Variants in DISC1 observed in about 807,000 individuals in gnomAD.
DISC1 encodes the protein DISC1 scaffold protein, also known as disrupted in schizophrenia 1 protein.
Under a neutral mutation model 84.5 loss-of-function variants are expected in DISC1, and 57 were observed. The ratio of observed to expected loss-of-function variants is 0.67; its 90% CI spans 0.55 to 0.84. The LOEUF is 0.84. DISC1 is among the 40% of genes least tolerant of loss of function. The probability of loss-of-function intolerance (pLI) is 0.00; values close to 1 mark genes in which losing one functional copy is unlikely to be tolerated. For missense variants in DISC1, 1,000 were observed against 1,057.8 expected (o/e 0.95, Z 0.76); for synonymous variants, 411 against 415.2 (o/e 0.99, Z 0.12).
chr1:231,740,969 A>G (rs1474073140), intron 3 of DISC1, among the ~76,000 whole-genome samples: 2 of 152,190 alleles, frequency 1.3e-5, no homozygotes, highest in Admixed American at 6.5e-5. Context: ...TCAACCTGTA[A>G]CATGTATGAA....
intron 1 of DISC1, among the ~76,000 whole-genome samples, chr1:231,693,498 A>G (rs1380674923): frequency 1.3e-5 from 2 of 152,208 alleles, no homozygotes; most frequent in African/African-American, 4.8e-5. Context: ...GTGCCATAAA[A>G]GACCAACAGG....
rs551926301 is a variant in DISC1, at chr1:231,825,118, C to T, written c.1981+6601C>T. Among the ~76,000 whole-genome samples the T allele has an allele frequency of 2.0e-5, 3 of 152,312 alleles. No individual in the cohort carries two copies. In the East Asian group the frequency reaches 5.8e-4, roughly 29 times the overall value. Reference sequence around the variant, plus strand: ...TCTTGCTCTCAGCTACTTTTGATCTCCTTTTCCCACTTTTATCCATATATA... The same window carrying T: ...TCTTGCTCTCAGCTACTTTTGATCTTCTTTTCCCACTTTTATCCATATATA... On this transcript the variant is annotated intron_variant, in intron 9 of 12. Transcript: ENST00000439617.
At chr1:231,952,481 G>A (rs1435728215) in intron 9 of DISC1, among the ~76,000 whole-genome samples, 1 of 152,024 alleles carries the variant, frequency 6.6e-6, no homozygotes, top group Non-Finnish European at 1.5e-5. Flanking sequence ...AACTACCACA[G>A]ATAGGTGATA....
intron 9 of DISC1, among the ~76,000 whole-genome samples, chr1:231,890,375 C>A (rs564971435): frequency 3.3e-5 from 5 of 152,068 alleles, no homozygotes; most frequent in African/African-American, 1.2e-4. Context: ...CAGTATTGAT[C>A]GAGCACAAAT....
chr1:231,983,645 G>A (rs1663976835), intron 10 of DISC1, among the ~76,000 whole-genome samples: 1 of 136,486 alleles, frequency 7.3e-6, no homozygotes, highest in Non-Finnish European at 1.6e-5. Context: ...GGGGGTTGGG[G>A]GGAGGGGGTG....
intron 6 of DISC1, among the ~76,000 whole-genome samples, chr1:231,794,542 C>G (rs2078607862): frequency 6.6e-6 from 1 of 152,158 alleles, no homozygotes; most frequent in Non-Finnish European, 1.5e-5. Context: ...TGCATTGATT[C>G]ATTCATTCTA....
chr1:232,012,174 A>T (rs1355365589), intron 11 of DISC1, among the ~76,000 whole-genome samples: 1 of 152,194 alleles, frequency 6.6e-6, no homozygotes, highest in Non-Finnish European at 1.5e-5. Flanking sequence ...ATTTGTTTGT[A>T]TGACTCAGTC....
chr1:231,989,547 A>G (rs1476547195), intron 10 of DISC1, among the ~76,000 whole-genome samples: 1 of 152,248 alleles, frequency 6.6e-6, no homozygotes, highest in Non-Finnish European at 1.5e-5. Context: ...TTTTGCTACG[A>G]AGGAAAGAAT....
intron 9 of DISC1, among the ~76,000 whole-genome samples, chr1:231,904,123 A>C (rs201273151): frequency 6.6e-6 from 1 of 152,106 alleles, no homozygotes; most frequent in Admixed American, 6.5e-5. Flanking sequence ...TTCTTCATCT[A>C]TCTTCATCTA....
intron 1 of DISC1, among the ~76,000 whole-genome samples, chr1:231,632,988 T>C (rs1253055462): frequency 6.6e-6 from 1 of 152,186 alleles, no homozygotes; most frequent in Non-Finnish European, 1.5e-5. Context: ...GGAGAATCGC[T>C]TGAACCTGGG....
At chr1:231,939,333 CGAATAAAT>C (rs1558757905) in intron 9 of DISC1, among the ~76,000 whole-genome samples, 3 of 152,128 alleles carry the variant, frequency 2.0e-5, no homozygotes, top group African/African-American at 7.2e-5. Context: ...AGTTGTTGAG[CGAATAAAT>C]GAATAAATGA....
At chr1:231,950,435 A>T (rs1157176018) in intron 9 of DISC1, among the ~76,000 whole-genome samples, 1 of 152,174 alleles carries the variant, frequency 6.6e-6, no homozygotes, top group Admixed American at 6.5e-5. Context: ...AAACCCAAAT[A>T]TGCCTGCTGC....
chr1:231,899,622 A>T (rs951004380), intron 9 of DISC1, among the ~76,000 whole-genome samples: 11 of 152,198 alleles, frequency 7.2e-5, no homozygotes, highest in Admixed American at 3.9e-4. Context: ...TCAAAGCCTG[A>T]AGTTTGATTT....
chr1:231,916,512 G>A (rs1033639601), intron 9 of DISC1, among the ~76,000 whole-genome samples: 2 of 151,432 alleles, frequency 1.3e-5, no homozygotes, highest in African/African-American at 4.9e-5. Flanking sequence ...AAAATTAGCC[G>A]GGCGTAGTGG....
At position 231,837,388 on chromosome 1, in the gene DISC1, T is replaced by C. The variant is rs141771884; in HGVS notation, c.1981+18871T>C. The stretch of plus-strand genomic sequence containing the variant: ...CAAAGTGTAGCTGTTTACAACTAAT[T>C]ACCAAACACGGAACAAGCCTATTGT... On this transcript the variant is annotated intron_variant, in intron 9 of 12. Transcript: ENST00000439617. Among the ~76,000 whole-genome samples, 232 of 152,318 alleles carry C rather than the reference T, an allele frequency of 1.5e-3. 3 individuals carry two copies. The highest frequency in any genetic ancestry group is 5.3e-3 in the African/African-American group (219 of 41,578).
At chr1:231,846,358 G>A (rs1183125415) in intron 9 of DISC1, among the ~76,000 whole-genome samples, 4 of 152,206 alleles carry the variant, frequency 2.6e-5, no homozygotes, top group Admixed American at 6.5e-5. Flanking sequence ...CTTGGAATGC[G>A]GGCAGCATCT....
intron 9 of DISC1, among the ~76,000 whole-genome samples, chr1:231,870,381 C>T (rs201951869): frequency 2.6e-5 from 4 of 152,208 alleles, no homozygotes; most frequent in Non-Finnish European, 4.4e-5. Context: ...ATTAGAGATA[C>T]CTGTCTTCCC....
intron 9 of DISC1, among the ~76,000 whole-genome samples, chr1:231,927,445 A>G (rs1005327916): frequency 6.6e-6 from 1 of 152,178 alleles, no homozygotes; most frequent in African/African-American, 2.4e-5. Context: ...TCTGGTATCA[A>G]ATTCTGCCTT....
intron 8 of DISC1, among the ~76,000 whole-genome samples, chr1:231,807,636 C>T (rs997002568): frequency 1.3e-5 from 2 of 152,244 alleles, no homozygotes; most frequent in Non-Finnish European, 2.9e-5. Context: ...TCCTCCTTCT[C>T]ATAGGATCCA....
Sources: gnomAD v4.1 joint callset for allele counts (sites outside exome capture counted in the v4.1 genomes callset) on GRCh38, gnomAD v4.1.1 for gene constraint, MANE v1.5 for transcripts, NCBI Gene and HGNC (gene_info 2026-07-23, HGNC 2026-07-21) for gene names.